The following SAMD5 variants were observed in gnomAD, a reference collection of about 807,000 sequenced individuals.
The protein encoded by SAMD5 is sterile alpha motif domain-containing protein 5.
A neutral mutation model predicts 11.3 loss-of-function variants in SAMD5; 13 were observed. The ratio of observed to expected loss-of-function variants is 1.15; its 90% CI spans 0.75 to 1.83. The LOEUF (loss-of-function observed/expected upper bound fraction) is 1.83, where lower values mean the gene tolerates loss of function less well. SAMD5 is among the 40% of genes most tolerant of loss of function. The probability of loss-of-function intolerance (pLI) is 0.00; values close to 1 mark genes in which losing one functional copy is unlikely to be tolerated. For missense variants in SAMD5, 255 were observed against 239.1 expected (o/e 1.07, Z -0.44); for synonymous variants, 129 against 111.3 (o/e 1.16, Z -1.00).
intron 1 of SAMD5, among the ~76,000 whole-genome samples, chr6:147,533,181 C>A (rs1788456106): frequency 6.6e-6 from 1 of 152,072 alleles, no homozygotes. Context: ...AGGTCCAGGG[C>A]TTGCAGGGCA....
At chr6:147,618,098 C>T (rs1244432709) in intron 1 of SAMD5, among the ~76,000 whole-genome samples, 1 of 152,126 alleles carries the variant, frequency 6.6e-6, no homozygotes, top group Non-Finnish European at 1.5e-5. Context: ...TCATAGTAAC[C>T]TTAGAATCTC....
chr6:147,882,950 G>T, the SAMD5 span, among the ~76,000 whole-genome samples: 2 of 152,156 alleles, frequency 1.3e-5, no homozygotes, highest in Non-Finnish European at 2.9e-5. Flanking sequence ...TTCCCATTTG[G>T]ATCTCTTTCA....
intron 1 of SAMD5, among the ~76,000 whole-genome samples, chr6:147,696,744 C>T (rs1791181869): frequency 6.6e-6 from 1 of 152,132 alleles, no homozygotes; most frequent in Non-Finnish European, 1.5e-5. Flanking sequence ...TCGGCGCCCA[C>T]TTCATGGGAT....
chr6:147,584,815 G>A (rs1789351294), intron 1 of SAMD5, among the ~76,000 whole-genome samples: 3 of 152,156 alleles, frequency 2.0e-5, no homozygotes, highest in Admixed American at 2.0e-4. Flanking sequence ...TAACATGTGT[G>A]TTATCCATGG....
At chr6:147,689,000 G>A (rs1313775815) in intron 1 of SAMD5, among the ~76,000 whole-genome samples, 1 of 152,204 alleles carries the variant, frequency 6.6e-6, no homozygotes, top group East Asian at 1.9e-4. Flanking sequence ...AGTTTTCAAT[G>A]TATTAAGTAG....
chr6:147,581,555 C>G (rs551653179), intron 1 of SAMD5, among the ~76,000 whole-genome samples: 2 of 152,118 alleles, frequency 1.3e-5, no homozygotes, highest in South Asian at 4.2e-4. Context: ...AGGGCAAAAA[C>G]CAAGAGAAGG....
At position 147,712,482 on chromosome 6, in the gene SAMD5, A is replaced by T. The variant is rs138992225; in HGVS notation, c.163-24835A>T. ...CCTAGCTCCATGTTTTTTCCGCTCC[A>T]CTCATGTTATGGGCTGAATGTTTGC... On this transcript the variant is annotated intron_variant, in intron 1 of 1. Transcript: ENST00000566741. 2.6e-3 allele frequency among the ~76,000 whole-genome samples: 396 copies of T among 152,172 alleles called. 3 individuals carry two copies. The highest frequency in any genetic ancestry group is 8.9e-3 in the African/African-American group (368 of 41,524).
chr6:147,662,663 G>A (rs183271695), intron 1 of SAMD5, among the ~76,000 whole-genome samples: 2 of 152,298 alleles, frequency 1.3e-5, no homozygotes, highest in East Asian at 3.9e-4. Context: ...TATCATGGGT[G>A]AGAGTGTCCA....
the SAMD5 span, among the ~76,000 whole-genome samples, chr6:147,812,198 TAA>T: frequency 2.0e-5 from 3 of 152,194 alleles, no homozygotes. Flanking sequence ...ATTTTTTTGT[TAA>T]GAGAAGATGT....
chr6:147,688,885 C>T (rs1226846258), intron 1 of SAMD5, among the ~76,000 whole-genome samples: 1 of 152,182 alleles, frequency 6.6e-6, no homozygotes, highest in Non-Finnish European at 1.5e-5. Flanking sequence ...TGGCTTCATT[C>T]TTTAATGAGA....
chr6:147,769,211 A>C, the SAMD5 span, among the ~76,000 whole-genome samples: 1 of 152,228 alleles, frequency 6.6e-6, no homozygotes, highest in Admixed American at 6.5e-5. Flanking sequence ...GTAGGTGCCT[A>C]GTACGTATTA....
the SAMD5 span, among the ~76,000 whole-genome samples, chr6:147,746,039 G>A: frequency 6.6e-6 from 1 of 152,172 alleles, no homozygotes; most frequent in South Asian, 2.1e-4. Context: ...ACCATATCCA[G>A]CCAGCAAGTT....
chr6:147,765,600 A>G, the SAMD5 span, among the ~76,000 whole-genome samples: 2 of 152,236 alleles, frequency 1.3e-5, no homozygotes, highest in Admixed American at 6.5e-5. Context: ...AGAGCAGAAG[A>G]AATTTCCACC....
Position 147,707,714 on chromosome 6 carries a change from A to G in SAMD5, c.163-29603A>G, listed in dbSNP as rs76226493. Among the ~76,000 whole-genome samples, 1,058 of 152,316 alleles carry G rather than the reference A, an allele frequency of 6.9e-3. 11 individuals are homozygous for G. Among genetic ancestry groups the G allele is most frequent in the African/African-American group, 0.024 (996 of 41,548 alleles). On this transcript the variant is annotated intron_variant, in intron 1 of 1. Coordinates refer to the SAMD5 transcript ENST00000566741. ...AGATTGCAGGGTCAAGTTTTCTTAC[A>G]TTCTGTGACTAAGATGCTTATTACC... is the stretch of plus-strand genomic sequence containing the variant.
At chr6:147,579,334 G>A (rs957440617) in intron 1 of SAMD5, among the ~76,000 whole-genome samples, 2 of 152,192 alleles carry the variant, frequency 1.3e-5, no homozygotes, top group African/African-American at 4.8e-5. Flanking sequence ...TGAGCATAAA[G>A]GGACAAGAGT....
At chr6:147,611,387 A>G (rs1789782150) in intron 1 of SAMD5, among the ~76,000 whole-genome samples, 1 of 151,612 alleles carries the variant, frequency 6.6e-6, no homozygotes, top group African/African-American at 2.4e-5. Flanking sequence ...ACATGGTGAA[A>G]CCCCATCTCT....
At chr6:147,800,709 A>C in the SAMD5 span, among the ~76,000 whole-genome samples, 1,195 of 152,270 alleles carry the variant, frequency 7.8e-3, 18 homozygotes, top group Middle Eastern at 0.041. Context: ...TTTAATTCTA[A>C]AAGCCTAATG....
chr6:147,549,120 A>G (rs753058380), intron 1 of SAMD5, among the ~76,000 whole-genome samples: 1 of 152,218 alleles, frequency 6.6e-6, no homozygotes, highest in Non-Finnish European at 1.5e-5. Context: ...ATAAAACTTC[A>G]TTGTTGAAAG....
chr6:147,638,638 C>G (rs545124568), intron 1 of SAMD5, among the ~76,000 whole-genome samples: 1 of 152,116 alleles, frequency 6.6e-6, no homozygotes, highest in South Asian at 2.1e-4. Context: ...ACTGTGTGTG[C>G]GTGGCCAGTG....
Sources: gnomAD v4.1 joint callset for allele counts (sites outside exome capture counted in the v4.1 genomes callset) on GRCh38, gnomAD v4.1.1 for gene constraint, MANE v1.5 for transcripts, NCBI Gene and HGNC (gene_info 2026-07-23, HGNC 2026-07-21) for gene names.